Variants in VAV3 observed in about 807,000 individuals in gnomAD.
VAV3 encodes guanine nucleotide exchange factor VAV3.
VAV3 carries 94 observed loss-of-function variants against 131.2 expected under a neutral mutation model. That is an observed-to-expected ratio of 0.72 (90% CI 0.61 to 0.85). The LOEUF (loss-of-function observed/expected upper bound fraction) is 0.85. Among genes scored for constraint, VAV3 ranks in the 40% least tolerant of loss-of-function variants. VAV3 has a pLI of 0.00. For synonymous variants in VAV3, 349 were observed against 342.0 expected, an observed-to-expected ratio of 1.02 and a Z score of -0.22; for missense variants, 939 against 1,002.7, an observed-to-expected ratio of 0.94 and a Z score of 0.86.
intron 7 of VAV3, 119 bp from the exon 8 acceptor site, chr1:107,766,669 A>T: frequency 1.4e-6 from 1 of 710,436 alleles, no homozygotes; most frequent in South Asian, 1.7e-5. Flanking sequence ...TGCTCTCAAT[A>T]TATAAAACTG....
At chr1:107,709,299 T>G (rs1570797700) in intron 15 of VAV3, among the ~76,000 whole-genome samples, 2 of 152,292 alleles carry the variant, frequency 1.3e-5, no homozygotes, top group South Asian at 4.1e-4. Flanking sequence ...ATGCTAGATA[T>G]TCATAGCTGA....
intron 20 of VAV3, among the ~76,000 whole-genome samples, chr1:107,625,513 T>C (rs11185147): frequency 0.78 from 118,270 of 152,040 alleles, 46,813 homozygotes; most frequent in Non-Finnish European, 0.86. Context: ...ATCATCCACT[T>C]GCCCCAGCCT....
At chr1:107,728,600 C>CGTATAT (rs55725323) in intron 15 of VAV3, among the ~76,000 whole-genome samples, 24,239 of 136,488 alleles carry the variant, frequency 0.18, 2,416 homozygotes, top group South Asian at 0.21. Flanking sequence ...TATACGTATA[C>CGTATAT]GTATATGTAT....
At chr1:107,863,875 C>G (rs1456889876) in intron 2 of VAV3, among the ~76,000 whole-genome samples, 1 of 152,086 alleles carries the variant, frequency 6.6e-6, no homozygotes, top group Non-Finnish European at 1.5e-5. Context: ...GTAGCTATGC[C>G]AAATGCAGAC....
intron 25 of VAV3, among the ~76,000 whole-genome samples, chr1:107,574,734 C>T (rs1218959316): frequency 1.3e-5 from 2 of 152,182 alleles, no homozygotes; most frequent in Non-Finnish European, 2.9e-5. Context: ...TCTTCCCTAA[C>T]AAGGCTTTCT....
intron 17 of VAV3, among the ~76,000 whole-genome samples, chr1:107,703,700 C>T (rs1220252019): frequency 1.3e-5 from 2 of 152,182 alleles, no homozygotes; most frequent in African/African-American, 2.4e-5. Context: ...ATTCAATGTC[C>T]ACCTTTTCCT....
At chr1:107,685,693 A>T (rs1658966627) in intron 18 of VAV3, 1 of 152,100 alleles carries the variant, frequency 6.6e-6, no homozygotes, top group Admixed American at 6.6e-5. Context: ...AGAGGCTAAG[A>T]TTTTTTTATA....
chr1:107,823,161 A>G (rs1207156821), intron 2 of VAV3, among the ~76,000 whole-genome samples: 1 of 152,116 alleles, frequency 6.6e-6, no homozygotes, highest in Non-Finnish European at 1.5e-5. Flanking sequence ...ATTCAAGATG[A>G]CTCTTGAAGA....
At chr1:107,691,952 C>T (rs1659453571) in intron 17 of VAV3, among the ~76,000 whole-genome samples, 1 of 152,020 alleles carries the variant, frequency 6.6e-6, no homozygotes, top group Non-Finnish European at 1.5e-5. Flanking sequence ...AAAATTCTGT[C>T]CTATTTTGTT....
At chr1:107,652,118 C>A (rs1276401469) in intron 19 of VAV3, among the ~76,000 whole-genome samples, 1 of 152,076 alleles carries the variant, frequency 6.6e-6, no homozygotes, top group Non-Finnish European at 1.5e-5. Flanking sequence ...GAGGTCAGCA[C>A]AAGATACAGG....
chr1:107,878,128 C>T, intron 1 of VAV3, among the ~76,000 whole-genome samples: 1 of 150,924 alleles, frequency 6.6e-6, no homozygotes, highest in Admixed American at 6.6e-5. Context: ...GCCATATATG[C>T]TTTTGCACCT....
intron 15 of VAV3, among the ~76,000 whole-genome samples, chr1:107,722,840 C>CTTTTTTTTTTTTTTTTTTTTT (rs374127110): frequency 2.3e-5 from 3 of 129,812 alleles, no homozygotes; most frequent in Non-Finnish European, 4.7e-5. Context: ...ATTATCCTCT[C>CTTTTTTTTTTTTTTTTTTTTT]TTTTTTTTTT....
chr1:107,928,005 G>A (rs865850643), intron 1 of VAV3, among the ~76,000 whole-genome samples: 8 of 152,252 alleles, frequency 5.3e-5, no homozygotes, highest in Middle Eastern at 3.4e-3. Flanking sequence ...GCACAGTCCC[G>A]GTGGTGGTAG....
chr1:107,596,440 A>G (rs1454192987), intron 24 of VAV3, 99 bp from the exon 25 acceptor site: 2 of 1,345,480 alleles, frequency 1.5e-6, no homozygotes, highest in Admixed American at 4.4e-5. Flanking sequence ...TGACCAATTT[A>G]ATGCTAAATT....
intron 8 of VAV3, among the ~76,000 whole-genome samples, chr1:107,765,635 G>C (rs556828630): frequency 3.2e-4 from 48 of 152,146 alleles, no homozygotes; most frequent in Non-Finnish European, 5.7e-4. Flanking sequence ...TTTTAATTAA[G>C]GAACATAAAT....
At chr1:107,857,440 A>T (rs1669526625) in intron 2 of VAV3, among the ~76,000 whole-genome samples, 5 of 152,182 alleles carry the variant, frequency 3.3e-5, no homozygotes, top group Admixed American at 1.3e-4. Context: ...TTCTATTCTT[A>T]TTAAAAATCC....
In VAV3 at chr1:107,574,207, A is replaced by G. The variant is rs765230412; in HGVS notation, c.2351-9T>C. 6.8e-6 allele frequency: 11 copies of G among 1,611,996 alleles called. No individual in the cohort carries two copies. Among genetic ancestry groups the G allele is most frequent in the Non-Finnish European group, 9.3e-6 (11 of 1,179,398 alleles). On this transcript the variant is annotated splice_polypyrimidine_tract_variant and intron_variant, in intron 25 of 26. Transcript: ENST00000370056. ...CACTTTTGGACTTAACACTGTCAAG[A>G]AATGACAAGCAATGACAGTAGGTTT...
At chr1:107,934,385 T>C (rs1042069701) in intron 1 of VAV3, among the ~76,000 whole-genome samples, 11 of 152,192 alleles carry the variant, frequency 7.2e-5, no homozygotes, top group Non-Finnish European at 1.6e-4. Context: ...GAGCAGAAGA[T>C]ATATTTTGCC....
intron 2 of VAV3, among the ~76,000 whole-genome samples, chr1:107,867,422 A>C (rs1670046363): frequency 6.6e-6 from 1 of 152,210 alleles, no homozygotes; most frequent in African/African-American, 2.4e-5. Context: ...TACCCCTACA[A>C]AAGGGAAAAA....
Sources: allele counts gnomAD v4.1 joint callset (sites outside exome capture counted in the v4.1 genomes callset), GRCh38; gene constraint gnomAD v4.1.1; transcripts MANE v1.5; gene names NCBI Gene and HGNC (gene_info 2026-07-23, HGNC 2026-07-21).